The following DPY19L1 variants were observed in gnomAD, a reference collection of about 807,000 sequenced individuals.
DPY19L1 encodes dpy-19 like C-mannosyltransferase 1, also known as protein C-mannosyl-transferase DPY19L1.
DPY19L1 carries 35 observed loss-of-function variants against 96.9 expected under a neutral mutation model. The ratio of observed to expected loss-of-function variants is 0.36; its 90% CI spans 0.28 to 0.48. The LOEUF is 0.48. Ranked by LOEUF, DPY19L1 falls within the 20% of genes least tolerant of loss-of-function variation. DPY19L1 has a pLI of 0.99. For missense variants in DPY19L1, 521 were observed against 777.9 expected (o/e 0.67, Z 3.93); for synonymous variants, 205 against 252.6 (o/e 0.81, Z 1.79).
intron 6 of DPY19L1, chr7:35,000,308 C>T (rs1584247476): frequency 6.6e-6 from 1 of 151,496 alleles, no homozygotes; most frequent in Non-Finnish European, 1.5e-5. Flanking sequence ...AAAAACCTTC[C>T]AAAAAAAAGA....
chr7:34,959,163 A>G (rs1784438931), intron 10 of DPY19L1, among the ~76,000 whole-genome samples: 1 of 152,250 alleles, frequency 6.6e-6, no homozygotes, highest in Admixed American at 6.5e-5. Context: ...AACCACAATG[A>G]GATAACATCT....
At chr7:34,974,495 C>T (rs1160160122) in intron 7 of DPY19L1, among the ~76,000 whole-genome samples, 1 of 152,162 alleles carries the variant, frequency 6.6e-6, no homozygotes, top group Non-Finnish European at 1.5e-5. Context: ...AGCCAATTTA[C>T]TGCTCTTTTC....
At chr7:35,032,947 G>A (rs758453481) in intron 1 of DPY19L1, among the ~76,000 whole-genome samples, 6 of 152,090 alleles carry the variant, frequency 3.9e-5, no homozygotes, top group Admixed American at 6.5e-5. Context: ...TGCTAGGTCC[G>A]TGAACAGCCT....
chr7:35,010,784 G>A (rs1214558672), intron 5 of DPY19L1, among the ~76,000 whole-genome samples: 3 of 152,102 alleles, frequency 2.0e-5, no homozygotes, highest in Non-Finnish European at 4.4e-5. Flanking sequence ...TCACTGATAC[G>A]CCTCCTCTGG....
intron 6 of DPY19L1, among the ~76,000 whole-genome samples, chr7:35,002,884 T>C (rs1405367095): frequency 6.6e-6 from 1 of 152,172 alleles, no homozygotes; most frequent in Non-Finnish European, 1.5e-5. Flanking sequence ...TTCTCCTGCC[T>C]CAGCTTACTG....
chr7:35,019,463 A>G (rs930896047), intron 1 of DPY19L1, among the ~76,000 whole-genome samples: 9 of 152,112 alleles, frequency 5.9e-5, no homozygotes, highest in Non-Finnish European at 8.8e-5. Flanking sequence ...TCAAAAAAAC[A>G]AAAGAAAGAG....
intron 6 of DPY19L1, among the ~76,000 whole-genome samples, chr7:34,995,067 C>G (rs1255262192): frequency 6.6e-6 from 1 of 152,036 alleles, no homozygotes; most frequent in Non-Finnish European, 1.5e-5. Context: ...TTGGGAACTG[C>G]AAAGCTAGAG....
At position 34,929,602 on chromosome 7, in the gene DPY19L1, A is replaced by G. The variant is rs1487811660; in HGVS notation, c.*1971T>C. On this transcript the variant is annotated 3_prime_UTR_variant, in exon 22 of 22. Transcript: ENST00000638088. ...AAAAGTATAATTTTTAAAAATTGTAACTGCTGGATGTACACAATCAGCCAC... is the reference window on the plus strand; with the variant it reads ...AAAAGTATAATTTTTAAAAATTGTAGCTGCTGGATGTACACAATCAGCCAC... 1.3e-5 allele frequency: 2 copies of G among 152,202 alleles called. No individual in the cohort carries two copies. Among genetic ancestry groups the G allele is most frequent in the Non-Finnish European group, 2.9e-5 (2 of 68,036 alleles). The allele number at this position is 152,202 out of a possible 1,614,324, so 9.4% of individuals were successfully genotyped here.
intron 1 of DPY19L1, 102 bp downstream of exon 1, chr7:35,036,995 G>T (rs1170699140): frequency 7.0e-6 from 1 of 143,446 alleles, no homozygotes; most frequent in Admixed American, 7.0e-5. Context: ...TCGGCGCGGC[G>T]GAAGCGGGAG....
intron 21 of DPY19L1, among the ~76,000 whole-genome samples, chr7:34,935,204 A>G (rs565289155): frequency 6.6e-6 from 1 of 152,170 alleles, no homozygotes; most frequent in Non-Finnish European, 1.5e-5. Context: ...AGAACGACCC[A>G]CAGTTTTCCT....
chr7:35,036,719 C>T (rs1441131664), intron 1 of DPY19L1, among the ~76,000 whole-genome samples: 1 of 152,082 alleles, frequency 6.6e-6, no homozygotes, highest in Non-Finnish European at 1.5e-5. Context: ...CAAAGCAAAC[C>T]ATCCTGGCGG....
At chr7:34,993,080 C>T (rs1785207872) in intron 6 of DPY19L1, among the ~76,000 whole-genome samples, 2 of 152,214 alleles carry the variant, frequency 1.3e-5, no homozygotes, top group Non-Finnish European at 2.9e-5. Context: ...TAAGTTAACA[C>T]ATATGTGTGA....
chr7:34,999,492 G>C (rs961294016), intron 6 of DPY19L1, among the ~76,000 whole-genome samples: 4 of 152,152 alleles, frequency 2.6e-5, no homozygotes, highest in Admixed American at 2.0e-4. Context: ...ACCAGAAAGA[G>C]ACCAACCTGG....
At chr7:34,961,522 C>T (rs754387355) in intron 10 of DPY19L1, among the ~76,000 whole-genome samples, 17 of 152,142 alleles carry the variant, frequency 1.1e-4, no homozygotes, top group Non-Finnish European at 2.1e-4. Context: ...TCTAAATGCA[C>T]ACTGCAAAAC....
chr7:35,018,993 T>C (rs1438891199), intron 1 of DPY19L1, among the ~76,000 whole-genome samples: 3 of 152,172 alleles, frequency 2.0e-5, no homozygotes, highest in Non-Finnish European at 4.4e-5. Context: ...ACTTCTGATA[T>C]ACTGCTGCAA....
At chr7:34,964,388 C>T (rs1448901077) in intron 10 of DPY19L1, among the ~76,000 whole-genome samples, 1 of 151,980 alleles carries the variant, frequency 6.6e-6, no homozygotes, top group African/African-American at 2.4e-5. Flanking sequence ...CTGATTTATA[C>T]TACAAAATAA....
In DPY19L1 at chr7:35,037,125, G is replaced by T; in HGVS notation, c.270C>A (p.Arg90=). Residue 90 remains arginine (R), a synonymous_variant, in exon 1 of 22, where the codon CGC becomes CGA. Coordinates refer to ENST00000638088, the MANE Select transcript of DPY19L1 (RefSeq NM_001366673.1). ...ACAGGAGCGTGGTCCAGGTCCGGCCGCGCCCCGCGCGCCGCAGGCCCAGCG... is the reference window on the plus strand; with the variant it reads ...ACAGGAGCGTGGTCCAGGTCCGGCCTCGCCCCGCGCGCCGCAGGCCCAGCG... ...RWALGLRRAG[R]GRTWTTLLLA... 5.0e-6 allele frequency: 1 copy of T among 201,674 alleles called. No individual in the cohort carries two copies. The highest frequency in any genetic ancestry group is 1.8e-4 in the South Asian group (1 of 5,542). The allele number at this position is 201,674 out of a possible 1,614,324, so 12.5% of individuals were successfully genotyped here. A position where few individuals can be genotyped will look rare whatever the true frequency, so the allele number is the denominator to read the frequency against.
intron 7 of DPY19L1, 37 bp downstream of exon 7, chr7:34,989,847 C>A (rs1438378607): frequency 6.6e-7 from 1 of 1,524,566 alleles, no homozygotes; most frequent in South Asian, 1.3e-5. Context: ...AACTGCATTT[C>A]CAGAAGTAAT....
At chr7:34,967,667 T>C (rs1012860632) in intron 9 of DPY19L1, among the ~76,000 whole-genome samples, 1 of 152,202 alleles carries the variant, frequency 6.6e-6, no homozygotes, top group Non-Finnish European at 1.5e-5. Context: ...ACAATGCCTC[T>C]ACACCCTTCC....
Sources: allele counts gnomAD v4.1 joint callset (sites outside exome capture counted in the v4.1 genomes callset), GRCh38; gene constraint gnomAD v4.1.1; transcripts MANE v1.5; gene names NCBI Gene and HGNC (gene_info 2026-07-23, HGNC 2026-07-21).